The following SLC25A24 variants were observed in gnomAD, a reference collection of about 807,000 sequenced individuals.
SLC25A24 encodes mitochondrial adenyl nucleotide antiporter SLC25A24.
Under a neutral mutation model 60.7 loss-of-function variants are expected in SLC25A24, and 49 were observed. The observed-to-expected ratio is 0.81, with a 90% CI of 0.64 to 1.02. SLC25A24 has a LOEUF of 1.02. SLC25A24 is among the 50% of genes least tolerant of loss of function. The pLI, the probability that SLC25A24 is intolerant of heterozygous loss-of-function variation, is 0.00. For synonymous variants in SLC25A24, 202 were observed against 200.6 expected, an observed-to-expected ratio of 1.01 and a Z score of -0.06; for missense variants, 564 against 586.3, an observed-to-expected ratio of 0.96 and a Z score of 0.39.
At chr1:108,195,106 A>G (rs1047594675) in intron 1 of SLC25A24, among the ~76,000 whole-genome samples, 2 of 152,258 alleles carry the variant, frequency 1.3e-5, no homozygotes, top group African/African-American at 2.4e-5. Context: ...ATCCTTAAAA[A>G]GATAAGATTT....
chr1:108,155,999 G>A (rs1306683346), intron 5 of SLC25A24, among the ~76,000 whole-genome samples: 1 of 151,360 alleles, frequency 6.6e-6, no homozygotes, highest in Non-Finnish European at 1.5e-5. Flanking sequence ...AGAACGGGTT[G>A]AATTCTGAAG....
At chr1:108,151,752 T>A (rs986270789) in intron 6 of SLC25A24, among the ~76,000 whole-genome samples, 3 of 152,180 alleles carry the variant, frequency 2.0e-5, no homozygotes, top group Non-Finnish European at 1.5e-5. Flanking sequence ...ATATACCCAA[T>A]TGCTTACTGG....
intron 3 of SLC25A24, among the ~76,000 whole-genome samples, chr1:108,167,563 A>G (rs9325362): frequency 0.51 from 76,765 of 151,646 alleles, 19,938 homozygotes; most frequent in African/African-American, 0.63. Flanking sequence ...TCCAGGTGCC[A>G]TCTGTCACCC....
chr1:108,159,306 T>A (rs1558014043), intron 4 of SLC25A24, among the ~76,000 whole-genome samples: 1 of 152,108 alleles, frequency 6.6e-6, no homozygotes, highest in South Asian at 2.1e-4. Flanking sequence ...GGTGCTGAGA[T>A]TATTTGGACA....
chr1:108,154,866 A>G, intron 6 of SLC25A24, 117 bp downstream of exon 6: 1 of 704,448 alleles, frequency 1.4e-6, no homozygotes, highest in South Asian at 2.3e-5. Context: ...TATGGAGTAT[A>G]TGTGAAAGAT....
intron 9 of SLC25A24, among the ~76,000 whole-genome samples, chr1:108,137,385 C>T (rs1003408627): frequency 1.3e-5 from 2 of 152,086 alleles, no homozygotes; most frequent in Non-Finnish European, 2.9e-5. Flanking sequence ...TGGAAATGAC[C>T]TCAACAAGCA....
At chr1:108,172,768 G>A (rs943943717) in intron 3 of SLC25A24, among the ~76,000 whole-genome samples, 2 of 152,130 alleles carry the variant, frequency 1.3e-5, no homozygotes, top group Non-Finnish European at 2.9e-5. Context: ...AAAACAAGCT[G>A]ACATTTGGAG....
intron 3 of SLC25A24, among the ~76,000 whole-genome samples, chr1:108,178,110 C>T (rs966010069): frequency 1.3e-5 from 2 of 152,004 alleles, no homozygotes; most frequent in Admixed American, 6.6e-5. Flanking sequence ...TGCAGTGAGC[C>T]GAGACCCTGC....
intron 8 of SLC25A24, among the ~76,000 whole-genome samples, chr1:108,142,841 A>C (rs1368566137): frequency 6.6e-6 from 1 of 152,206 alleles, no homozygotes; most frequent in East Asian, 1.9e-4. Context: ...AAATGAGTGA[A>C]ATGTAAGGAA....
At chr1:108,160,943 A>G (rs971237456) in intron 4 of SLC25A24, among the ~76,000 whole-genome samples, 11 of 152,016 alleles carry the variant, frequency 7.2e-5, no homozygotes, top group Non-Finnish European at 1.6e-4. Flanking sequence ...GACCGTGGAA[A>G]GAGAGGGAGA....
At chr1:108,170,875 T>C (rs1647437224) in intron 3 of SLC25A24, among the ~76,000 whole-genome samples, 1 of 152,006 alleles carries the variant, frequency 6.6e-6, no homozygotes. Flanking sequence ...GATCAGAAGG[T>C]GATTATCTTC....
chr1:108,153,048 T>C (rs1679798920), intron 6 of SLC25A24, among the ~76,000 whole-genome samples: 2 of 152,114 alleles, frequency 1.3e-5, no homozygotes, highest in African/African-American at 4.8e-5. Flanking sequence ...TCCTGGGTCA[T>C]GCAAGCAGAG....
At chr1:108,154,219 A>G (rs1679827356) in intron 6 of SLC25A24, among the ~76,000 whole-genome samples, 1 of 106,698 alleles carries the variant, frequency 9.4e-6, no homozygotes, top group Admixed American at 8.4e-5. Flanking sequence ...TACAAAAACT[A>G]TGGGGGGGGA....
chr1:108,191,946 G>T (rs1648355485), intron 1 of SLC25A24, among the ~76,000 whole-genome samples: 1 of 139,326 alleles, frequency 7.2e-6, no homozygotes, highest in Non-Finnish European at 1.6e-5. Flanking sequence ...GGGAAGAGAA[G>T]GGTTAGCCTA....
chr1:108,187,137 T>C (rs597358), intron 1 of SLC25A24, among the ~76,000 whole-genome samples: 30,238 of 151,460 alleles, frequency 0.2, 3,146 homozygotes, highest in Admixed American at 0.22. Context: ...TTCATGGTCA[T>C]GGTCAGATCT....
intron 4 of SLC25A24, among the ~76,000 whole-genome samples, chr1:108,160,429 G>T (rs1680036374): frequency 6.7e-6 from 1 of 149,434 alleles, no homozygotes; most frequent in Admixed American, 6.7e-5. Flanking sequence ...TCCTAGACAG[G>T]ATGGCGGCCG....
Position 108,157,723 on chromosome 1 carries a change from C to T in SLC25A24, c.511-103G>A. On this transcript the variant is annotated intron_variant, in intron 4 of 9. Transcript: ENST00000565488. ...CATGTTATTTTACAGTTAATATGAA[C>T]TTCATTCCCTAGAATTTATACTAAA... 3.1e-6 allele frequency: 4 copies of T among 1,285,460 alleles called. No individual in the cohort carries two copies. The South Asian group carries it at 5.7e-5, about 18-fold the overall frequency. The allele number at this position is 1,285,460 out of a possible 1,614,324, so 79.6% of individuals were successfully genotyped here.
intron 6 of SLC25A24, among the ~76,000 whole-genome samples, chr1:108,152,358 CTTTA>C (rs1276207349): frequency 4.6e-5 from 7 of 151,220 alleles, no homozygotes; most frequent in Admixed American, 1.3e-4. Flanking sequence ...TTATCTTCCC[CTTTA>C]TTTATTTATT....
At chr1:108,163,944 T>C (rs1216577463) in intron 3 of SLC25A24, among the ~76,000 whole-genome samples, 1 of 152,240 alleles carries the variant, frequency 6.6e-6, no homozygotes, top group Non-Finnish European at 1.5e-5. Context: ...TAGATAGCTG[T>C]TATTATTTTG....
Sources: gnomAD v4.1 joint callset for allele counts (sites outside exome capture counted in the v4.1 genomes callset) on GRCh38, gnomAD v4.1.1 for gene constraint, MANE v1.5 for transcripts, NCBI Gene and HGNC (gene_info 2026-07-23, HGNC 2026-07-21) for gene names.